Variants in NTSR1 observed in about 807,000 individuals in gnomAD.
NTSR1 encodes neurotensin receptor type 1.
Under a neutral mutation model 31.2 loss-of-function variants are expected in NTSR1, and 29 were observed. The ratio of observed to expected loss-of-function variants is 0.93; its 90% CI spans 0.69 to 1.27. NTSR1 has a LOEUF of 1.27. NTSR1 is among the 50% of genes most tolerant of loss of function. NTSR1 has a pLI of 0.00. For missense variants in NTSR1, 697 were observed against 595.4 expected, an observed-to-expected ratio of 1.17 and a Z score of -1.78; for synonymous variants, 282 against 269.9, an observed-to-expected ratio of 1.04 and a Z score of -0.44.
intron 1 of NTSR1, among the ~76,000 whole-genome samples, chr20:62,720,242 A>G (rs1483146605): frequency 6.6e-6 from 1 of 152,192 alleles, no homozygotes; most frequent in Non-Finnish European, 1.5e-5. Context: ...GGAGGTTGCA[A>G]TGAACCGAGA....
At chr20:62,728,205 C>T (rs2147137416) in intron 1 of NTSR1, among the ~76,000 whole-genome samples, 1 of 152,298 alleles carries the variant, frequency 6.6e-6, no homozygotes, top group South Asian at 2.1e-4. Context: ...GCACAGGTCC[C>T]CCCGAGTCTC....
chr20:62,709,936 C>G lies in NTSR1; in HGVS notation c.714+15C>G, dbSNP rs777492888. 3 of 1,557,236 alleles carry G rather than the reference C, an allele frequency of 1.9e-6. No homozygotes were observed. The highest frequency in any genetic ancestry group is 2.6e-6 in the Non-Finnish European group (3 of 1,146,234). ...TCGTCATACAGGTGAGCCTCAGTAA[C>G]CAGCCCCGGGGCTCCCCTCTCCTTC... is the stretch of plus-strand genomic sequence containing the variant. On this transcript the variant is annotated intron_variant, in intron 1 of 3. Transcript: ENST00000370501.
Position 62,760,207 on chromosome 20 carries a change from C to T in NTSR1, c.1197C>T (p.Ala399=), listed in dbSNP as rs878999120. 11 of 1,613,664 alleles carry T rather than the reference C, an allele frequency of 6.8e-6. 1 individual carries two copies. Among genetic ancestry groups the T allele is most frequent in the South Asian group, 5.5e-5 (5 of 91,086 alleles). Residue 399 remains alanine (A), a synonymous_variant, in exon 4 of 4, where the codon GCC becomes GCT. Transcript: ENST00000370501. ...AGAGGCCAGCCTTCTCGAGGAAGGC[C>T]GACAGCGTGTCCAGCAACCACACCC... ...RRKRPAFSRK[A]DSVSSNHTLS... is the part of the protein sequence containing the mutation.
intron 1 of NTSR1, among the ~76,000 whole-genome samples, chr20:62,717,512 C>T (rs1988752840): frequency 6.6e-6 from 1 of 152,188 alleles, no homozygotes; most frequent in African/African-American, 2.4e-5. Context: ...CCTCTGTTTC[C>T]CCATAAGCCA....
intron 1 of NTSR1, among the ~76,000 whole-genome samples, chr20:62,712,978 G>C (rs1002312883): frequency 1.3e-5 from 2 of 152,184 alleles, no homozygotes; most frequent in African/African-American, 4.8e-5. Context: ...GTGTGTCCAG[G>C]GGCCCACAGT....
intron 1 of NTSR1, among the ~76,000 whole-genome samples, chr20:62,716,419 G>A (rs535429833): frequency 6.6e-6 from 1 of 151,176 alleles, no homozygotes; most frequent in South Asian, 2.1e-4. Context: ...TCGGAGGAGG[G>A]GTGGGGTGGC....
chr20:62,726,907 T>G (rs1035643507), intron 1 of NTSR1, among the ~76,000 whole-genome samples: 2 of 152,088 alleles, frequency 1.3e-5, no homozygotes, highest in Non-Finnish European at 2.9e-5. Flanking sequence ...CCATCCACAC[T>G]GGGATGGTTT....
chr20:62,709,221 G>C lies in NTSR1; in HGVS notation c.14G>C (p.Ser5Thr). 1 of 1,478,758 alleles carries C rather than the reference G, an allele frequency of 6.8e-7. No homozygotes were observed. The highest frequency in any genetic ancestry group is 1.4e-5 in the African/African-American group (1 of 70,364). The allele number at this position is 1,478,758 out of a possible 1,614,324, so 91.6% of individuals were successfully genotyped here. ...CCAGCGCCCACCATGCGCCTCAACAGCTCCGCGCCGGGAACCCCGGGCACG... is the reference window on the plus strand; with the variant it reads ...CCAGCGCCCACCATGCGCCTCAACACCTCCGCGCCGGGAACCCCGGGCACG... The part of the protein sequence containing the change: MRLN[S>T]SAPGTPGTPA... Residue 5 changes from serine (S) to threonine (T), a missense_variant, in exon 1 of 4, where the codon AGC (serine) becomes ACC (threonine). Physicochemically the swap from Ser to Thr is moderately conservative, Grantham distance 58 (BLOSUM62 1). Coordinates refer to ENST00000370501, the MANE Select transcript of NTSR1 (RefSeq NM_002531.3).
chr20:62,752,539 C>T (rs1277712857), intron 1 of NTSR1, among the ~76,000 whole-genome samples: 1 of 152,230 alleles, frequency 6.6e-6, no homozygotes, highest in Non-Finnish European at 1.5e-5. Flanking sequence ...TCTGTTCCCT[C>T]CCTCTGGAAA....
At chr20:62,712,743 G>A (rs1033488132) in intron 1 of NTSR1, among the ~76,000 whole-genome samples, 3 of 152,198 alleles carry the variant, frequency 2.0e-5, no homozygotes, top group East Asian at 1.9e-4. Flanking sequence ...TAACCCACCC[G>A]CACACGTGGC....
chr20:62,717,367 A>G (rs1313535338), intron 1 of NTSR1, among the ~76,000 whole-genome samples: 2 of 152,182 alleles, frequency 1.3e-5, no homozygotes, highest in Non-Finnish European at 2.9e-5. Flanking sequence ...GATCAGGAGA[A>G]TGCTTCCCGA....
intron 3 of NTSR1, 76 bp from the exon 4 acceptor site, chr20:62,759,942 G>A: frequency 6.7e-7 from 1 of 1,488,140 alleles, no homozygotes; most frequent in African/African-American, 1.4e-5. Context: ...CTCAGCCGCT[G>A]TGGCCCCGGC....
chr20:62,718,376 G>A (rs1463831583), intron 1 of NTSR1, among the ~76,000 whole-genome samples: 2 of 152,120 alleles, frequency 1.3e-5, no homozygotes, highest in Non-Finnish European at 2.9e-5. Context: ...GAGAGGGGTT[G>A]GATACCAGAG....
chr20:62,721,625 G>A (rs1387978789), intron 1 of NTSR1, among the ~76,000 whole-genome samples: 2 of 152,178 alleles, frequency 1.3e-5, no homozygotes, highest in Non-Finnish European at 2.9e-5. Flanking sequence ...TATCACAGCG[G>A]TTTTCAAGCC....
intron 1 of NTSR1, among the ~76,000 whole-genome samples, chr20:62,734,176 G>A (rs1291089694): frequency 6.6e-6 from 1 of 152,060 alleles, no homozygotes; most frequent in Non-Finnish European, 1.5e-5. Flanking sequence ...GGTTACTACT[G>A]AGTTCACTCT....
chr20:62,750,309 G>A (rs139336825), intron 1 of NTSR1, among the ~76,000 whole-genome samples: 1,753 of 152,330 alleles, frequency 0.012, 36 homozygotes, highest in African/African-American at 0.039. Context: ...GAGGAATGGG[G>A]AGAGGACGAT....
rs891862086 is a variant in NTSR1 at position 62,711,282 on chromosome 20, G to A, written c.714+1361G>A. On this transcript the variant is annotated intron_variant, in intron 1 of 3. Transcript: ENST00000370501. The surrounding 1 kb of genome is among the most constrained non-coding windows in gnomAD (Gnocchi z 6.4). ...AGTGAGTCAGGGCTGCTTTGCTTCT[G>A]CGGCGAGAGTCCCTCCCCTCACCAG... Among the ~76,000 whole-genome samples the A allele has an allele frequency of 6.6e-6, 1 of 152,190 alleles. No individual in the cohort carries two copies. Among genetic ancestry groups the A allele is most frequent in the Non-Finnish European group, 1.5e-5 (1 of 68,026 alleles).
At chr20:62,735,486 A>G (rs1201036837) in intron 1 of NTSR1, 3 of 152,380 alleles carry the variant, frequency 2.0e-5, no homozygotes, top group East Asian at 3.9e-4. Flanking sequence ...TATACAACAA[A>G]GAGCCAGCAC....
intron 1 of NTSR1, among the ~76,000 whole-genome samples, chr20:62,734,364 T>C (rs146433473): frequency 4.3e-4 from 66 of 152,234 alleles, no homozygotes; most frequent in African/African-American, 1.4e-3. Context: ...TTGTGGCCGA[T>C]GCAGAGGAAG....
Sources: allele counts gnomAD v4.1 joint callset (sites outside exome capture counted in the v4.1 genomes callset), GRCh38; gene constraint gnomAD v4.1.1; non-coding constraint Gnocchi (gnomAD v3.1); transcripts MANE v1.5; gene names NCBI Gene and HGNC (gene_info 2026-07-23, HGNC 2026-07-21).